YTHDC1: variants seen among roughly 807,000 people sequenced by gnomAD.
The protein encoded by YTHDC1 is YTH N6-methyladenosine RNA binding protein C1.
In YTHDC1, 12 loss-of-function variants were observed where a neutral mutation model predicts 107.0. The observed-to-expected ratio is 0.11, with a 90% confidence interval of 0.07 to 0.18. The LOEUF is 0.18. Ranked by LOEUF, YTHDC1 falls within the 10% of genes least tolerant of loss-of-function variation. YTHDC1 has a pLI of 1.00. For missense variants in YTHDC1, 635 were observed against 898.8 expected (o/e 0.71, Z 3.75); for synonymous variants, 280 against 289.5 (o/e 0.97, Z 0.33).
At position 68,338,395 on chromosome 4, in the gene YTHDC1, A is replaced by C. The variant is rs1334514892; in HGVS notation, c.29-11T>G. ...CATTAAGTTCTCCATCTGCAAATAA[A>C]ATTAAAAATTAATAGGGAAAAATCA... is the stretch of plus-strand genomic sequence containing the variant. On this transcript the variant is annotated splice_polypyrimidine_tract_variant and intron_variant, in intron 1 of 16. Transcript: ENST00000344157. 64 of 1,564,260 alleles carry C rather than the reference A, an allele frequency of 4.1e-5. No homozygotes were observed. Among genetic ancestry groups the C allele is most frequent in the Non-Finnish European group, 5.5e-5 (64 of 1,154,152 alleles).
At chr4:68,347,949 T>C (rs567897715) in intron 1 of YTHDC1, among the ~76,000 whole-genome samples, 2 of 152,094 alleles carry the variant, frequency 1.3e-5, no homozygotes, top group East Asian at 3.9e-4. Flanking sequence ...ACTATAAAGA[T>C]AAAGCACTTA....
intron 9 of YTHDC1, among the ~76,000 whole-genome samples, chr4:68,329,670 GT>G (rs1281937432): frequency 6.6e-6 from 1 of 152,090 alleles, no homozygotes; most frequent in African/African-American, 2.4e-5. Flanking sequence ...GACTAAACTA[GT>G]TACCTCCGAA....
chr4:68,329,376 A>T (rs923353176), intron 9 of YTHDC1, among the ~76,000 whole-genome samples: 4 of 152,144 alleles, frequency 2.6e-5, no homozygotes, highest in Admixed American at 2.6e-4. Context: ...ACCCAAAAAC[A>T]ACTTAAAACT....
chr4:68,318,540 T>C lies in YTHDC1; in HGVS notation c.1803A>G (p.Pro601=), dbSNP rs1722113812. 1.9e-6 allele frequency: 3 copies of C among 1,612,644 alleles called. No homozygotes were observed. Among genetic ancestry groups the C allele is most frequent in the Admixed American group, 1.7e-5 (1 of 59,886 alleles). The change falls in exon 15 of 17, where the codon CCA becomes CCG. Residue 601 remains proline (P), a synonymous_variant. Transcript: ENST00000344157. Reference sequence around the variant, plus strand: ...AAACCATTCCTTGCCAAGGTGGTGGTGGTCCCATGTTATGAAATTCCCTCA... The same window carrying C: ...AAACCATTCCTTGCCAAGGTGGTGGCGGTCCCATGTTATGAAATTCCCTCA... ...DYVREFHNMG[P]PPPWQGMPPY...
At position 68,337,561 on chromosome 4, in the gene YTHDC1, A is replaced by G. The variant is rs1724329939; in HGVS notation, c.459+11T>C. ...GGCTTTCTGTTTTATATCTGCAATA[A>G]TATTTACTACCTCAGAACCATCTGG... On this transcript the variant is annotated intron_variant, in intron 3 of 16. Coordinates refer to ENST00000344157, the MANE Select transcript of YTHDC1 (RefSeq NM_001031732.4). 2 of 1,591,706 alleles carry G rather than the reference A, an allele frequency of 1.3e-6. No homozygotes were observed. Among genetic ancestry groups the G allele is most frequent in the Non-Finnish European group, 8.5e-7 (1 of 1,173,218 alleles).
intron 15 of YTHDC1, among the ~76,000 whole-genome samples, chr4:68,316,767 A>G (rs1380750308): frequency 6.6e-6 from 1 of 152,218 alleles, no homozygotes; most frequent in South Asian, 2.1e-4. Flanking sequence ...CAACCTTATG[A>G]GATAGATACT....
intron 1 of YTHDC1, among the ~76,000 whole-genome samples, chr4:68,338,944 A>G (rs1327835231): frequency 2.0e-5 from 3 of 152,234 alleles, no homozygotes; most frequent in African/African-American, 7.2e-5. Flanking sequence ...ACTGAGGCAT[A>G]AAAAGAAAAT....
At position 68,337,344 on chromosome 4, in the gene YTHDC1, C is replaced by T. The variant is rs760429862; in HGVS notation, c.566G>A (p.Gly189Asp). ...YGSDHETGSS[G>D]SSDEQGNNTE... ...GTTGTTCCCTTGCTCATCAGAAGAA[C>T]CACTGCTGCCAGTCTCATGGTCAGA... The change falls in exon 4 of 17, where the codon GGT becomes GAT. Residue 189 changes from glycine (G) to aspartate (D), a missense_variant. Coordinates refer to ENST00000344157, the MANE Select transcript of YTHDC1 (RefSeq NM_001031732.4). 64 of 1,613,982 alleles carry T rather than the reference C, an allele frequency of 4.0e-5. No homozygotes were observed. The Admixed American group carries it at 1.0e-3, about 26-fold the overall frequency.
rs759604032 is a variant in YTHDC1 at position 68,314,077 on chromosome 4, A to C, written c.*22T>G. The C allele has an allele frequency of 6.2e-7, 1 of 1,607,254 alleles. No individual in the cohort carries two copies. The highest frequency in any genetic ancestry group is 1.1e-5 in the South Asian group (1 of 89,772). On this transcript the variant is annotated 3_prime_UTR_variant, in exon 17 of 17. Coordinates refer to ENST00000344157, the MANE Select transcript of YTHDC1 (RefSeq NM_001031732.4). ...TACAAGATTTTTTGTATCTTTAAAC[A>C]ATCAGTGCTTCCAAAAGCCCATTAT...
chr4:68,340,065 A>C (rs1724644854), intron 1 of YTHDC1, among the ~76,000 whole-genome samples: 10 of 152,288 alleles, frequency 6.6e-5, no homozygotes, highest in Admixed American at 5.9e-4. Flanking sequence ...AAAACTGATG[A>C]GACAGAACAA....
In YTHDC1 at chr4:68,337,652, T is replaced by C. The variant is rs1184724307; in HGVS notation, c.379A>G (p.Lys127Glu). Residue 127 changes from lysine (K) to glutamate (E), a missense_variant, in exon 3 of 17, where the codon AAG (lysine) becomes GAG (glutamate). Transcript: ENST00000344157. Reference protein sequence around the residue: ...LSSSASREPYKNQPEKTCVRK... With the variant: ...LSSSASREPYENQPEKTCVRK... ...ACACAGGTTTTTTCAGGTTGATTCT[T>C]ATAAGGTTCTCTGGAGGCACTACTT... 1 of 1,614,150 alleles carries C rather than the reference T, an allele frequency of 6.2e-7. No homozygotes were observed. Among genetic ancestry groups the C allele is most frequent in the South Asian group, 1.1e-5 (1 of 91,080 alleles).
intron 12 of YTHDC1, among the ~76,000 whole-genome samples, chr4:68,319,230 C>T (rs1722178656): frequency 6.6e-6 from 1 of 152,060 alleles, no homozygotes. Flanking sequence ...TACTTTCCAC[C>T]TTGGGTATAT....
intron 1 of YTHDC1, among the ~76,000 whole-genome samples, chr4:68,344,966 G>A (rs374727224): frequency 2.0e-5 from 3 of 152,234 alleles, no homozygotes; most frequent in African/African-American, 2.4e-5. Context: ...GGGAGGTCGC[G>A]GCTGCAGTGA....
intron 9 of YTHDC1, among the ~76,000 whole-genome samples, chr4:68,326,838 A>AC (rs1276214389): frequency 3.3e-5 from 5 of 151,236 alleles, no homozygotes; most frequent in Non-Finnish European, 5.9e-5. Context: ...TGATGCACCC[A>AC]CCTCAGCCTC....
At position 68,322,726 on chromosome 4, in the gene YTHDC1, T is replaced by C; in HGVS notation, c.1601+23A>G. 1.2e-6 allele frequency: 2 copies of C among 1,611,304 alleles called. No homozygotes were observed. Among genetic ancestry groups the C allele is most frequent in the Non-Finnish European group, 1.7e-6 (2 of 1,177,944 alleles). On this transcript the variant is annotated intron_variant, in intron 11 of 16. Transcript: ENST00000344157. This position sits in a 1 kb window ranked among gnomAD's most constrained non-coding sequence, Gnocchi z 4.8. ...GTTATTCTGATACATGTGCCTATTATCAGTCCAAAGAACGTTTCTAACCTT... is the reference window on the plus strand; with the variant it reads ...GTTATTCTGATACATGTGCCTATTACCAGTCCAAAGAACGTTTCTAACCTT...
At position 68,322,828 on chromosome 4, in the gene YTHDC1, G is replaced by T; in HGVS notation, c.1522C>A (p.Arg508Ser). ...TGAGAATGCATTCTTCTCTTGTGAC[G>T]CATTTTATGAATGACCTGATACAAG... ...IDLYQVIHKMRHKRRMHSQPR... is the reference protein window; with the variant it reads ...IDLYQVIHKMSHKRRMHSQPR... The change falls in exon 11 of 17, where the codon CGT (arginine) becomes AGT (serine). Residue 508 changes from arginine (R) to serine (S), a missense_variant. Around this residue, in one of 5 missense-constraint regions of YTHDC1, gnomAD observed 256 missense variants for 372.9 expected, o/e 0.69. Coordinates refer to ENST00000344157, the MANE Select transcript of YTHDC1 (RefSeq NM_001031732.4). The surrounding 1 kb of genome is among the most constrained non-coding windows in gnomAD (Gnocchi z 4.8). 1 of 1,614,128 alleles carries T rather than the reference G, an allele frequency of 6.2e-7. No individual in the cohort carries two copies. The highest frequency in any genetic ancestry group is 8.5e-7 in the Non-Finnish European group (1 of 1,180,006).
At position 68,343,543 on chromosome 4, in the gene YTHDC1, A is replaced by AAAT. The variant is rs35282008; in HGVS notation, c.29-5160_29-5159insATT. On this transcript the variant is annotated intron_variant, in intron 1 of 16. Transcript: ENST00000344157. ...AATCTTTAAAAAAAAAAAAAAAAAA[A>AAAT]TTTTTTTTTTTTTTGAGACAGTCTC... Among the ~76,000 whole-genome samples the AAAT allele has an allele frequency of 4.8e-3, 516 of 107,330 alleles. 4 individuals carry two copies. The highest frequency in any genetic ancestry group is 0.012 in the African/African-American group (304 of 25,714). 70.4% of individuals were successfully genotyped at this position (107,330 alleles called of 152,430 possible). A position where few individuals can be genotyped will look rare whatever the true frequency, so the allele number is the denominator to read the frequency against.
intron 1 of YTHDC1, 32 bp from the exon 2 acceptor site, chr4:68,338,416 A>T: frequency 6.7e-7 from 1 of 1,501,956 alleles, no homozygotes; most frequent in Non-Finnish European, 9.1e-7. Context: ...AATAGGGAAA[A>T]ATCACTATCA....
intron 1 of YTHDC1, among the ~76,000 whole-genome samples, chr4:68,341,611 GT>G (rs1724809590): frequency 6.6e-6 from 1 of 151,084 alleles, no homozygotes. Context: ...CAAAGAATAT[GT>G]CAGAGAACAC....
Sources: gnomAD v4.1 joint callset for allele counts (sites outside exome capture counted in the v4.1 genomes callset) on GRCh38, gnomAD v4.1.1 for gene constraint, gnomAD v4.1.1 regional missense constraint, Gnocchi (gnomAD v3.1) non-coding constraint, MANE v1.5 for transcripts, NCBI Gene and HGNC (gene_info 2026-07-23, HGNC 2026-07-21) for gene names.